Variants in STAG1 observed in about 807,000 individuals in gnomAD.
STAG1 encodes cohesin subunit SA-1.
STAG1 carries 26 observed loss-of-function variants against 170.9 expected under a neutral mutation model. That is an observed-to-expected ratio of 0.15 (90% CI 0.11 to 0.21). The LOEUF is 0.21. Among genes scored for constraint, STAG1 ranks in the 10% least tolerant of loss-of-function variants. STAG1 has a pLI of 1.00. For missense variants in STAG1, 964 were observed against 1,509.5 expected, an observed-to-expected ratio of 0.64 and a Z score of 5.99; for synonymous variants, 514 against 497.7, an observed-to-expected ratio of 1.03 and a Z score of -0.44.
chr3:136,576,949 C>T (rs556717992), intron 4 of STAG1, among the ~76,000 whole-genome samples: 82 of 152,234 alleles, frequency 5.4e-4, no homozygotes, highest in Non-Finnish European at 8.8e-4. Flanking sequence ...GATTCGTTTG[C>T]TTTGGATTAA....
At chr3:136,700,757 A>G (rs1943031804) in intron 1 of STAG1, among the ~76,000 whole-genome samples, 1 of 151,926 alleles carries the variant, frequency 6.6e-6, no homozygotes, top group Non-Finnish European at 1.5e-5. Flanking sequence ...CCTTCCAGTT[A>G]CTGAAAATAT....
chr3:136,600,966 C>G (rs547213044), intron 4 of STAG1, among the ~76,000 whole-genome samples: 1 of 152,160 alleles, frequency 6.6e-6, no homozygotes, highest in African/African-American at 2.4e-5. Flanking sequence ...TCTTGGCTCA[C>G]TGCGACCTCC....
chr3:136,507,682 A>T (rs1933837443), intron 7 of STAG1, among the ~76,000 whole-genome samples: 2 of 152,152 alleles, frequency 1.3e-5, no homozygotes, highest in South Asian at 4.1e-4. Context: ...TTGAATTTTA[A>T]ATCATGTGAC....
chr3:136,526,032 G>T (rs1935003508), intron 6 of STAG1, among the ~76,000 whole-genome samples: 1 of 152,092 alleles, frequency 6.6e-6, no homozygotes, highest in African/African-American at 2.4e-5. Flanking sequence ...GGTCAATTTT[G>T]GAATAAGTAT....
intron 1 of STAG1, among the ~76,000 whole-genome samples, chr3:136,676,026 C>A (rs1041748127): frequency 2.0e-5 from 3 of 152,246 alleles, no homozygotes; most frequent in African/African-American, 7.2e-5. Context: ...AGCTACAAAC[C>A]TGTACATCAT....
intron 9 of STAG1, among the ~76,000 whole-genome samples, chr3:136,478,355 G>C (rs1338000530): frequency 6.6e-6 from 1 of 152,138 alleles, no homozygotes; most frequent in African/African-American, 2.4e-5. Context: ...CTCCTGGGAT[G>C]ACTTTCCTAC....
intron 1 of STAG1, among the ~76,000 whole-genome samples, chr3:136,641,724 A>G (rs1212599435): frequency 6.6e-6 from 1 of 152,204 alleles, no homozygotes; most frequent in African/African-American, 2.4e-5. Context: ...CACCAGAAAG[A>G]GGACTTTAGT....
intron 11 of STAG1, 98 bp downstream of exon 11, chr3:136,473,441 G>C: frequency 1.1e-6 from 1 of 893,630 alleles, no homozygotes; most frequent in South Asian, 1.6e-5. Context: ...TAAAGAATAT[G>C]AACTAAACAC....
chr3:136,410,406 A>T (rs941372195), intron 21 of STAG1, among the ~76,000 whole-genome samples: 1 of 152,106 alleles, frequency 6.6e-6, no homozygotes. Context: ...TCTGTTTGAA[A>T]ATAAAAAGTT....
At position 136,574,200 on chromosome 3, in the gene STAG1, C is replaced by T. The variant is rs555895008; in HGVS notation, c.298-5339G>A. Among the ~76,000 whole-genome samples, 141 of 151,998 alleles carry T rather than the reference C, an allele frequency of 9.3e-4. 1 individual carries two copies. The highest frequency in any genetic ancestry group is 3.3e-3 in the African/African-American group (138 of 41,456). On this transcript the variant is annotated intron_variant, in intron 4 of 33. Coordinates refer to ENST00000383202, the MANE Select transcript of STAG1 (RefSeq NM_005862.3). ...AGGTTGCAGTGAGCCGAGATGGTGCCGCTGCACTCCAGCCCGGGTGACATG... is the reference window on the plus strand; with the variant it reads ...AGGTTGCAGTGAGCCGAGATGGTGCTGCTGCACTCCAGCCCGGGTGACATG...
chr3:136,490,052 T>C (rs1055215357), intron 9 of STAG1, among the ~76,000 whole-genome samples: 1 of 152,176 alleles, frequency 6.6e-6, no homozygotes, highest in African/African-American at 2.4e-5. Flanking sequence ...TTTAATTTAA[T>C]TTTTTTGGGA....
intron 22 of STAG1, among the ~76,000 whole-genome samples, chr3:136,398,213 G>A (rs1314972601): frequency 6.6e-6 from 1 of 152,024 alleles, no homozygotes; most frequent in African/African-American, 2.4e-5. Flanking sequence ...TACCTCCCGG[G>A]TTCAAGTGAT....
intron 1 of STAG1, among the ~76,000 whole-genome samples, chr3:136,722,089 G>T (rs1933311776): frequency 6.6e-6 from 1 of 151,856 alleles, no homozygotes; most frequent in Non-Finnish European, 1.5e-5. Context: ...CAGGCATGGT[G>T]GTGCACACCT....
rs559342349 is a variant in STAG1, at chr3:136,701,107, C to T, written c.-84+51088G>A. Among the ~76,000 whole-genome samples the T allele has an allele frequency of 2.0e-5, 3 of 152,028 alleles. No individual in the cohort carries two copies. The South Asian group carries it at 6.2e-4, about 32-fold the overall frequency. On this transcript the variant is annotated intron_variant, in intron 1 of 33. Coordinates refer to ENST00000383202, the MANE Select transcript of STAG1 (RefSeq NM_005862.3). ...ACGTTGGCCAGGCTGGTCTCAAACT[C>T]TTGACCTCAGGTGATCCACCCGCCT...
intron 26 of STAG1, among the ~76,000 whole-genome samples, chr3:136,360,376 A>G (rs2108282521): frequency 6.6e-6 from 1 of 152,290 alleles, no homozygotes; most frequent in South Asian, 2.1e-4. Flanking sequence ...CATCTTAAAA[A>G]TACTCTTAAC....
At chr3:136,670,208 T>C (rs553384954) in intron 1 of STAG1, among the ~76,000 whole-genome samples, 1 of 152,342 alleles carries the variant, frequency 6.6e-6, no homozygotes, top group Non-Finnish European at 1.5e-5. Flanking sequence ...CTGCCTTTGT[T>C]TTCCCAACCC....
At chr3:136,702,319 T>C (rs1943107895) in intron 1 of STAG1, among the ~76,000 whole-genome samples, 1 of 152,174 alleles carries the variant, frequency 6.6e-6, no homozygotes, top group Admixed American at 6.5e-5. Context: ...TATTGGTCAA[T>C]ATTAAATTAA....
At chr3:136,446,056 G>C (rs2088768312) in intron 14 of STAG1, among the ~76,000 whole-genome samples, 1 of 152,004 alleles carries the variant, frequency 6.6e-6, no homozygotes, top group Non-Finnish European at 1.5e-5. Flanking sequence ...ATGTTTTCTT[G>C]ATTACTTTAT....
At chr3:136,743,461 A>G (rs1231071227) in intron 1 of STAG1, among the ~76,000 whole-genome samples, 1 of 152,182 alleles carries the variant, frequency 6.6e-6, no homozygotes, top group Non-Finnish European at 1.5e-5. Context: ...AGGAAATCTT[A>G]CAAACTCCTG....
Sources: allele counts gnomAD v4.1 joint callset (sites outside exome capture counted in the v4.1 genomes callset), GRCh38; gene constraint gnomAD v4.1.1; transcripts MANE v1.5; gene names NCBI Gene and HGNC (gene_info 2026-07-23, HGNC 2026-07-21).